The following BRDT variants were observed in gnomAD, a reference collection of about 807,000 sequenced individuals.
BRDT encodes the protein bromodomain testis associated, also known as bromodomain testis-specific protein.
Under a neutral mutation model 113.9 loss-of-function variants are expected in BRDT, and 77 were observed. The ratio of observed to expected loss-of-function variants is 0.68; its 90% CI spans 0.56 to 0.82. The LOEUF is 0.82. Ranked by LOEUF, BRDT falls within the 40% of genes least tolerant of loss-of-function variation. BRDT has a pLI of 0.00. For synonymous variants in BRDT, 358 were observed against 366.5 expected, an observed-to-expected ratio of 0.98 and a Z score of 0.26; for missense variants, 1,027 against 1,105.4, an observed-to-expected ratio of 0.93 and a Z score of 1.01.
chr1:91,979,332 T>C (rs1006393584), intron 7 of BRDT, among the ~76,000 whole-genome samples: 2 of 151,944 alleles, frequency 1.3e-5, no homozygotes, highest in Admixed American at 6.6e-5. Context: ...AGGCTGGTCT[T>C]GATCTCCCCC....
chr1:92,009,290 G>A (rs966610711), intron 18 of BRDT, among the ~76,000 whole-genome samples: 2 of 151,780 alleles, frequency 1.3e-5, no homozygotes, highest in Non-Finnish European at 2.9e-5. Flanking sequence ...GAAAATGATG[G>A]GGTTTTCTTT....
intron 4 of BRDT, 28 bp downstream of exon 4, chr1:91,968,288 TTC>T: frequency 2.5e-6 from 4 of 1,606,854 alleles, no homozygotes; most frequent in Non-Finnish European, 3.4e-6. Flanking sequence ...CACTTTATGG[TTC>T]TCTCTCTTTT....
chr1:91,990,476 AT>A (rs1557848552), intron 12 of BRDT, among the ~76,000 whole-genome samples: 1 of 152,200 alleles, frequency 6.6e-6, no homozygotes, highest in Non-Finnish European at 1.5e-5. Context: ...TTAGGGCTAT[AT>A]TTATGGCTAC....
At chr1:91,955,475 C>G (rs1291941761) in intron 1 of BRDT, among the ~76,000 whole-genome samples, 1 of 152,056 alleles carries the variant, frequency 6.6e-6, no homozygotes, top group Non-Finnish European at 1.5e-5. Flanking sequence ...AAAACAACAA[C>G]AAAAACCTCT....
chr1:92,011,269 A>G (rs941464759), intron 18 of BRDT, among the ~76,000 whole-genome samples: 1 of 152,216 alleles, frequency 6.6e-6, no homozygotes, highest in African/African-American at 2.4e-5. Flanking sequence ...TTCTACAATG[A>G]TAGAAATATG....
intron 15 of BRDT, among the ~76,000 whole-genome samples, chr1:91,997,816 A>G (rs950156689): frequency 2.0e-5 from 3 of 152,376 alleles, no homozygotes; most frequent in East Asian, 1.9e-4. Flanking sequence ...AGGTGGCACT[A>G]TGCCCAAGGG....
chr1:91,963,024 ATAT>A, intron 2 of BRDT, 78 bp downstream of exon 2: 1 of 1,214,870 alleles, frequency 8.2e-7, no homozygotes, highest in Non-Finnish European at 1.1e-6. Flanking sequence ...CTAGTCTTTA[ATAT>A]TATAAAACAT....
chr1:91,998,764 G>A (rs1686580195), intron 15 of BRDT, among the ~76,000 whole-genome samples: 1 of 152,024 alleles, frequency 6.6e-6, no homozygotes, highest in African/African-American at 2.4e-5. Context: ...GCTGGATAGT[G>A]CAGAAAAAAA....
intron 1 of BRDT, 124 bp from the exon 2 acceptor site, chr1:91,962,594 A>G: frequency 2.1e-6 from 1 of 482,898 alleles, no homozygotes; most frequent in Non-Finnish European, 3.5e-6. Flanking sequence ...TTGGCCTCCC[A>G]AAGTGTTGAG....
chr1:91,976,918 G>A, intron 5 of BRDT, 125 bp from the exon 6 acceptor site: 2 of 722,700 alleles, frequency 2.8e-6, no homozygotes, highest in South Asian at 4.9e-5. Context: ...ACAACAATAT[G>A]TGTAAATTAT....
chr1:91,976,006 T>G (rs113620070), intron 4 of BRDT, among the ~76,000 whole-genome samples: 75 of 152,292 alleles, frequency 4.9e-4, no homozygotes, highest in African/African-American at 1.7e-3. Flanking sequence ...CACAGCTCGA[T>G]TATTAGTCTT....
chr1:91,951,564 G>A (rs1681089644), intron 1 of BRDT, among the ~76,000 whole-genome samples: 1 of 151,300 alleles, frequency 6.6e-6, no homozygotes, highest in African/African-American at 2.4e-5. Context: ...TGGGAGTCAG[G>A]AGTTGAAGAC....
At chr1:91,955,720 G>T (rs191908042) in intron 1 of BRDT, among the ~76,000 whole-genome samples, 15 of 152,268 alleles carry the variant, frequency 9.9e-5, no homozygotes, top group Admixed American at 6.5e-4. Flanking sequence ...ATTATAAAAG[G>T]GAAAATTTTT....
At chr1:91,954,371 A>G (rs910097502) in intron 1 of BRDT, among the ~76,000 whole-genome samples, 1 of 139,766 alleles carries the variant, frequency 7.2e-6, no homozygotes, top group Admixed American at 7.9e-5. Context: ...CCTCGACTTC[A>G]TGAGCTCAAG....
At chr1:91,951,019 C>T (rs987468642) in intron 1 of BRDT, among the ~76,000 whole-genome samples, 1 of 68,236 alleles carries the variant, frequency 1.5e-5, no homozygotes, top group African/African-American at 4.0e-5. Flanking sequence ...CAGTGAGACT[C>T]CGTCTCAAAA....
At chr1:91,959,419 C>CTTTTTTTT (rs11346071) in intron 1 of BRDT, among the ~76,000 whole-genome samples, 10 of 112,798 alleles carry the variant, frequency 8.9e-5, no homozygotes, top group Non-Finnish European at 1.6e-4. Context: ...CTTTTTCTTT[C>CTTTTTTTT]TTTTTTTTTT....
At chr1:91,950,349 C>G (rs890663289) in intron 1 of BRDT, 1 of 152,610 alleles carries the variant, frequency 6.6e-6, no homozygotes, top group Admixed American at 6.5e-5. Context: ...ACTCGGGAGG[C>G]TGAGGCAGGA....
At chr1:91,960,712 T>C (rs990035144) in intron 1 of BRDT, among the ~76,000 whole-genome samples, 2 of 152,224 alleles carry the variant, frequency 1.3e-5, no homozygotes, top group Non-Finnish European at 2.9e-5. Flanking sequence ...TTCAAAAATA[T>C]AAGTGATTAA....
In BRDT at chr1:92,004,591, G is replaced by T; in HGVS notation, c.2566G>T (p.Glu856Ter). 6.2e-7 allele frequency: 1 copy of T among 1,608,224 alleles called. No individual in the cohort carries two copies. Among genetic ancestry groups the T allele is most frequent in the Non-Finnish European group, 8.5e-7 (1 of 1,178,526 alleles). ...IRKHLEQNTK[E>*]LKASQENQRD... ...GAAGCATTTGGAACAAAATACAAAG[G>T]AACTAAAAGCATCTCAAGAAAATCA... The change falls in exon 17 of 19, where the codon GAA becomes TAA. Residue 856 changes from glutamate to a stop codon, truncating the protein, a stop_gained. Coordinates refer to ENST00000399546, the MANE Select transcript of BRDT (RefSeq NM_207189.4). LOFTEE classifies it high-confidence loss of function.
Sources: allele counts gnomAD v4.1 joint callset (sites outside exome capture counted in the v4.1 genomes callset), GRCh38; gene constraint gnomAD v4.1.1; transcripts MANE v1.5; gene names NCBI Gene and HGNC (gene_info 2026-07-23, HGNC 2026-07-21).